The following CCDC85C variants were observed in gnomAD, a reference collection of about 807,000 sequenced individuals.
The protein encoded by CCDC85C is coiled-coil domain-containing protein 85C.
CCDC85C carries 18 observed loss-of-function variants against 38.3 expected under a neutral mutation model. That is an observed-to-expected ratio of 0.47 (90% CI 0.33 to 0.70). The LOEUF (loss-of-function observed/expected upper bound fraction) is 0.70. Ranked by LOEUF, CCDC85C falls within the 30% of genes least tolerant of loss-of-function variation. The pLI, the probability that CCDC85C is intolerant of heterozygous loss-of-function variation, is 0.03. For synonymous variants in CCDC85C, 264 were observed against 293.8 expected (o/e 0.90, Z 1.04); for missense variants, 566 against 621.2 (o/e 0.91, Z 0.94).
At chr14:99,534,333 G>C (rs1162231434) in intron 2 of CCDC85C, among the ~76,000 whole-genome samples, 7 of 151,320 alleles carry the variant, frequency 4.6e-5, no homozygotes, top group Non-Finnish European at 4.4e-5. Flanking sequence ...TCCAGCCTGG[G>C]CAACAAGAGC....
At position 99,603,215 on chromosome 14, in the gene CCDC85C, C is replaced by T; in HGVS notation, c.745G>A (p.Asp249Asn). 2 of 1,426,196 alleles carry T rather than the reference C, an allele frequency of 1.4e-6. No individual in the cohort carries two copies. Among genetic ancestry groups the T allele is most frequent in the Non-Finnish European group, 1.8e-6 (2 of 1,092,220 alleles). The allele number at this position is 1,426,196 out of a possible 1,614,324, so 88.3% of individuals were successfully genotyped here. ...KAGATRRSLD[D>N]LSAPPHHRSI... ...CGGTGGTGCGGCGGCGCCGACAAGT[C>T]GTCCAGGGACCGACGTGTGGCTCCT... is the stretch of plus-strand genomic sequence containing the variant. Residue 249 changes from aspartate (D) to asparagine (N), a missense_variant, in exon 1 of 6, where the codon GAC becomes AAC. Physicochemically the swap from Asp to Asn is conservative, Grantham distance 23. Around this residue, in one of 3 missense-constraint regions of CCDC85C, gnomAD observed 286 missense variants for 276.4 expected, o/e 1.03. Coordinates refer to ENST00000380243, the MANE Select transcript of CCDC85C (RefSeq NM_001144995.2). This position sits in a 1 kb window ranked among gnomAD's most constrained non-coding sequence, Gnocchi z 7.5.
At chr14:99,589,429 G>A (rs56814459) in intron 1 of CCDC85C, among the ~76,000 whole-genome samples, 7,706 of 152,188 alleles carry the variant, frequency 0.051, 625 homozygotes, top group East Asian at 0.28. Flanking sequence ...GACCACGAAC[G>A]TGCATTCGGT....
Position 99,515,227 on chromosome 14 carries a change from C to A in CCDC85C, c.*19G>T. On this transcript the variant is annotated 3_prime_UTR_variant, in exon 6 of 6. Coordinates refer to ENST00000380243, the MANE Select transcript of CCDC85C (RefSeq NM_001144995.2). ...GGGGACCCCCAGCAGGGCCAGTCCA[C>A]GTCCACAGAAGAGTGGCCCTACAAA... The A allele has an allele frequency of 1.3e-6, 2 of 1,541,712 alleles. No homozygotes were observed. Among genetic ancestry groups the A allele is most frequent in the South Asian group, 1.2e-5 (1 of 83,724 alleles).
chr14:99,590,074 C>T (rs117084428), intron 1 of CCDC85C, among the ~76,000 whole-genome samples: 1,713 of 152,330 alleles, frequency 0.011, 15 homozygotes, highest in Non-Finnish European at 0.014. Context: ...GTTGCCCACA[C>T]CAGACCAGCC....
Position 99,548,418 on chromosome 14 carries a change from C to A in CCDC85C, c.794-12330G>T, listed in dbSNP as rs2139934115. ...GTGACGGTGCACACGTAAGAACGGG[C>A]CACACAGGGGATGCTGATGATCGGC... On this transcript the variant is annotated intron_variant, in intron 1 of 5. Coordinates refer to ENST00000380243, the MANE Select transcript of CCDC85C (RefSeq NM_001144995.2). The surrounding 1 kb of genome is among the most constrained non-coding windows in gnomAD (Gnocchi z 4.9). Among the ~76,000 whole-genome samples the A allele has an allele frequency of 6.6e-6, 1 of 152,044 alleles. No individual in the cohort carries two copies. Among genetic ancestry groups the A allele is most frequent in the African/African-American group, 2.4e-5 (1 of 41,474 alleles).
intron 1 of CCDC85C, among the ~76,000 whole-genome samples, chr14:99,555,537 G>A (rs1897994153): frequency 6.6e-6 from 1 of 152,180 alleles, no homozygotes; most frequent in Admixed American, 6.5e-5. Flanking sequence ...TAAGAGCCAG[G>A]GATTACAGCC....
At position 99,562,058 on chromosome 14, in the gene CCDC85C, G is replaced by A. The variant is rs559089874; in HGVS notation, c.794-25970C>T. On this transcript the variant is annotated intron_variant, in intron 1 of 5. Transcript: ENST00000380243. Reference sequence around the variant, plus strand: ...GCTCCACCTATTCACGGAAATGCCCGGTAGGGAGCCAGCCCAGTGTTACCC... The same window carrying A: ...GCTCCACCTATTCACGGAAATGCCCAGTAGGGAGCCAGCCCAGTGTTACCC... Among the ~76,000 whole-genome samples the A allele has an allele frequency of 1.7e-4, 26 of 152,198 alleles. No individual in the cohort carries two copies. The South Asian group carries it at 2.5e-3, about 15-fold the overall frequency.
At position 99,510,736 on chromosome 14, in the gene CCDC85C, G is replaced by A. The variant is rs868509054; in HGVS notation, c.*4510C>T. The A allele has an allele frequency of 6.9e-7, 1 of 1,450,636 alleles. No homozygotes were observed. The highest frequency in any genetic ancestry group is 1.6e-5 in the South Asian group (1 of 63,972). The allele number at this position is 1,450,636 out of a possible 1,614,324, so 89.9% of individuals were successfully genotyped here. On this transcript the variant is annotated 3_prime_UTR_variant, in exon 6 of 6. Coordinates refer to ENST00000380243, the MANE Select transcript of CCDC85C (RefSeq NM_001144995.2). ...GTGCCCCCGCCCATTCCCCCACCCG[G>A]CATGCCTCCAGTTGGGGGGCTGGGG...
In CCDC85C at chr14:99,503,420, G is replaced by A; in HGVS notation, c.*11826C>T. ...TTCTGTCTTATTTGGTAAATGGAAA[G>A]AGGAAGGGAGCAGAAATGATGATCT... On this transcript the variant is annotated 3_prime_UTR_variant, in exon 6 of 6. Coordinates refer to ENST00000380243, the MANE Select transcript of CCDC85C (RefSeq NM_001144995.2). 1 of 608,348 alleles carries A rather than the reference G, an allele frequency of 1.6e-6. No homozygotes were observed. Among genetic ancestry groups the A allele is most frequent in the Non-Finnish European group, 2.9e-6 (1 of 340,908 alleles). The allele number at this position is 608,348 out of a possible 1,614,324, so 37.7% of individuals were successfully genotyped here.
In CCDC85C at chr14:99,507,150, A is replaced by G; in HGVS notation, c.*8096T>C. On this transcript the variant is annotated 3_prime_UTR_variant, in exon 6 of 6. Transcript: ENST00000380243. ...GCCTCCAGCCCACCCACCTCCAGGT[A>G]AGCATCTGCTGAAGCAGCTTGGCCA... 6.3e-6 allele frequency: 10 copies of G among 1,588,684 alleles called. No homozygotes were observed. The highest frequency in any genetic ancestry group is 1.7e-5 in the Admixed American group (1 of 59,996).
Position 99,502,801 on chromosome 14 carries a change from C to G in CCDC85C, c.*12445G>C, listed in dbSNP as rs745738824. ...ACACCCCCCATCAGCTGCAACAGCCCCCATCTCTTCAGCCTACACCACAAG... is the reference window on the plus strand; with the variant it reads ...ACACCCCCCATCAGCTGCAACAGCCGCCATCTCTTCAGCCTACACCACAAG... On this transcript the variant is annotated 3_prime_UTR_variant, in exon 6 of 6. Transcript: ENST00000380243. 2.5e-6 allele frequency: 4 copies of G among 1,613,800 alleles called. No individual in the cohort carries two copies. Among genetic ancestry groups the G allele is most frequent in the South Asian group, 1.1e-5 (1 of 91,074 alleles).
intron 1 of CCDC85C, among the ~76,000 whole-genome samples, chr14:99,571,216 G>A (rs962437906): frequency 6.6e-6 from 1 of 152,134 alleles, no homozygotes; most frequent in African/African-American, 2.4e-5. Flanking sequence ...GAGACAAGAA[G>A]TCCCTTCCAG....
intron 1 of CCDC85C, among the ~76,000 whole-genome samples, chr14:99,568,920 T>C (rs6575734): frequency 0.61 from 92,019 of 151,608 alleles, 28,325 homozygotes; most frequent in African/African-American, 0.72. Flanking sequence ...GCAGGGTCCT[T>C]GCCTCACCTC....
In CCDC85C at chr14:99,569,425, G is replaced by A. The variant is rs1398516363; in HGVS notation, c.794-33337C>T. Among the ~76,000 whole-genome samples the A allele has an allele frequency of 1.3e-5, 2 of 152,252 alleles. No homozygotes were observed. The highest frequency in any genetic ancestry group is 1.9e-4 in the East Asian group (1 of 5,170). On this transcript the variant is annotated intron_variant, in intron 1 of 5. Coordinates refer to ENST00000380243, the MANE Select transcript of CCDC85C (RefSeq NM_001144995.2). This position sits in a 1 kb window ranked among gnomAD's most constrained non-coding sequence, Gnocchi z 4.3. ...ATGTCCACACCTGGGCCCCAGCTCCGCCAGGCTGCCCTGCCCCACAGAGGC... is the reference window on the plus strand; with the variant it reads ...ATGTCCACACCTGGGCCCCAGCTCCACCAGGCTGCCCTGCCCCACAGAGGC...
At position 99,510,043 on chromosome 14, in the gene CCDC85C, A is replaced by C. The variant is rs1303075076; in HGVS notation, c.*5203T>G. The C allele has an allele frequency of 3.9e-6, 4 of 1,031,156 alleles. No individual in the cohort carries two copies. The highest frequency in any genetic ancestry group is 3.2e-5 in the African/African-American group (2 of 61,960). The allele number at this position is 1,031,156 out of a possible 1,614,324, so 63.9% of individuals were successfully genotyped here. A position where few individuals can be genotyped will look rare whatever the true frequency, so the allele number is the denominator to read the frequency against. ...GGGCCCATGCGTTGGGCCACAGAGG[A>C]GGCGGGCAGCTGCTCCCTGCTCCTC... On this transcript the variant is annotated 3_prime_UTR_variant, in exon 6 of 6. Coordinates refer to ENST00000380243, the MANE Select transcript of CCDC85C (RefSeq NM_001144995.2).
Position 99,502,466 on chromosome 14 carries a change from C to T in CCDC85C, c.*12780G>A, listed in dbSNP as rs1896857047. 5 of 1,502,640 alleles carry T rather than the reference C, an allele frequency of 3.3e-6. No homozygotes were observed. The Admixed American group carries it at 7.0e-5, about 21-fold the overall frequency. 93.1% of individuals were successfully genotyped at this position (1,502,640 alleles called of 1,614,324 possible). ...CCTGAGTCCCAAGAATGGATTTTCC[C>T]AGATAGACATATGTGAGCAATATTT... On this transcript the variant is annotated 3_prime_UTR_variant, in exon 6 of 6. Coordinates refer to ENST00000380243, the MANE Select transcript of CCDC85C (RefSeq NM_001144995.2).
intron 1 of CCDC85C, among the ~76,000 whole-genome samples, chr14:99,539,143 A>G (rs1029002711): frequency 6.6e-6 from 1 of 152,230 alleles, no homozygotes; most frequent in African/African-American, 2.4e-5. Context: ...AATATTTTAG[A>G]CCATCCAGTA....
chr14:99,592,649 G>A (rs12436881), intron 1 of CCDC85C, among the ~76,000 whole-genome samples: 16,560 of 152,288 alleles, frequency 0.11, 1,159 homozygotes, highest in Non-Finnish European at 0.15. Context: ...ATTGCCCAGG[G>A]CCAAGGAGCA....
At chr14:99,539,244 G>A (rs1416237328) in intron 1 of CCDC85C, among the ~76,000 whole-genome samples, 12 of 152,164 alleles carry the variant, frequency 7.9e-5, no homozygotes, top group Admixed American at 7.9e-4. Context: ...GCCGAGGCAG[G>A]TGGATCACCT....
Sources: allele counts gnomAD v4.1 joint callset (sites outside exome capture counted in the v4.1 genomes callset), GRCh38; gene constraint gnomAD v4.1.1; regional missense constraint gnomAD v4.1.1; non-coding constraint Gnocchi (gnomAD v3.1); transcripts MANE v1.5; gene names NCBI Gene and HGNC (gene_info 2026-07-23, HGNC 2026-07-21).